The following SPG7 variants were observed in gnomAD, a reference collection of about 807,000 sequenced individuals.
SPG7 encodes SPG7 matrix AAA peptidase subunit, paraplegin.
SPG7 carries 103 observed loss-of-function variants against 81.9 expected under a neutral mutation model. The observed-to-expected ratio is 1.26, with a 90% CI of 1.07 to 1.48. SPG7 has a LOEUF of 1.48. SPG7 is among the 40% of genes most tolerant of loss of function. The probability of loss-of-function intolerance (pLI) is 0.00; values close to 1 mark genes in which losing one functional copy is unlikely to be tolerated. For synonymous variants in SPG7, 534 were observed against 444.2 expected, an observed-to-expected ratio of 1.20 and a Z score of -2.54; for missense variants, 1,241 against 1,087.3, an observed-to-expected ratio of 1.14 and a Z score of -1.99.
intron 3 of SPG7, 114 bp downstream of exon 3, chr16:89,513,151 AG>A: frequency 1.4e-6 from 2 of 1,454,244 alleles, no homozygotes; most frequent in Non-Finnish European, 9.3e-7. Flanking sequence ...GGCCGGGTGC[AG>A]TGGCTCACAC....
chr16:89,508,674 TCGGAGGCCGCCTGGCCCCTGCGGCGGGGG>T, intron 1 of SPG7, 74 bp downstream of exon 1: 1 of 1,361,334 alleles, frequency 7.3e-7, no homozygotes, highest in Non-Finnish European at 9.7e-7. Flanking sequence ...GCGGGGCGGG[TCGGAGGCCGCCTGGCCCCTGCGGCGGGGG>T]AGCCTGCGCC....
At chr16:89,550,194 A>T in intron 12 of SPG7, 1 of 371,248 alleles carries the variant, frequency 2.7e-6, no homozygotes, top group Non-Finnish European at 5.2e-6. Context: ...GTTTTTTGAG[A>T]CGGAGTCTTG....
chr16:89,517,434 G>A (rs1001622039), intron 3 of SPG7: 1 of 152,324 alleles, frequency 6.6e-6, no homozygotes, highest in Admixed American at 6.5e-5. Context: ...TATCACTCCT[G>A]GCATGTGGTA....
At position 89,552,934 on chromosome 16, in the gene SPG7, C is replaced by T. The variant is rs780952234; in HGVS notation, c.1780-45C>T. 70 of 1,605,734 alleles carry T rather than the reference C, an allele frequency of 4.4e-5. No individual in the cohort carries two copies. In the Admixed American group the frequency reaches 1.1e-3, roughly 26 times the overall value. ...GTCCCACACCTTCCTCCTCAAAGCC[C>T]ACGCATCCTGCCTACTGACCTGGGT... On this transcript the variant is annotated intron_variant, in intron 13 of 16. Coordinates refer to ENST00000645818, the MANE Select transcript of SPG7 (RefSeq NM_003119.4).
At chr16:89,517,702 C>G (rs1269571172) in intron 3 of SPG7, 1 of 146,638 alleles carries the variant, frequency 6.8e-6, no homozygotes, top group East Asian at 2.2e-4. Flanking sequence ...TCATTGCAAA[C>G]TCCACCTCGT....
intron 3 of SPG7, chr16:89,523,337 AG>A (rs1397768158): frequency 3.9e-6 from 1 of 256,312 alleles, no homozygotes; most frequent in African/African-American, 2.2e-5. Flanking sequence ...ATGAGTAAAA[AG>A]TTCAGAATGG....
chr16:89,524,765 C>T (rs1480979909), intron 4 of SPG7, among the ~76,000 whole-genome samples: 1 of 151,920 alleles, frequency 6.6e-6, no homozygotes, highest in Non-Finnish European at 1.5e-5. Context: ...ACTTTAGATT[C>T]CAAGAGTGCG....
At position 89,508,403 on chromosome 16, in the gene SPG7, G is replaced by T; in HGVS notation, c.-15G>T. On this transcript the variant is annotated 5_prime_UTR_variant, in exon 1 of 17. Transcript: ENST00000645818. ...AGCGCCCCGCGGATCACGCAGGCGC[G>T]GCTTTCAGGCCAACATGGCCGTGCT... 6.8e-7 allele frequency: 1 copy of T among 1,472,938 alleles called. No individual in the cohort carries two copies. Among genetic ancestry groups the T allele is most frequent in the South Asian group, 1.3e-5 (1 of 77,974 alleles). The allele number at this position is 1,472,938 out of a possible 1,614,324, so 91.2% of individuals were successfully genotyped here. A position where few individuals can be genotyped will look rare whatever the true frequency, so the allele number is the denominator to read the frequency against.
At chr16:89,510,014 G>A (rs1004300530) in intron 1 of SPG7, among the ~76,000 whole-genome samples, 1 of 151,466 alleles carries the variant, frequency 6.6e-6, no homozygotes, top group Non-Finnish European at 1.5e-5. Flanking sequence ...TCCCTTTGTT[G>A]CCCAGCCTGG....
At chr16:89,530,630 C>T in intron 6 of SPG7, 53 bp from the exon 7 acceptor site, 2 of 1,612,874 alleles carry the variant, frequency 1.2e-6, no homozygotes, top group South Asian at 1.1e-5. Flanking sequence ...TGGCATCGTG[C>T]TGCTGATTTC....
intron 16 of SPG7, chr16:89,555,698 GC>G: frequency 2.5e-6 from 1 of 396,832 alleles, no homozygotes; most frequent in Non-Finnish European, 4.4e-6. Flanking sequence ...TTCCTCAGTT[GC>G]GATTGTCTGA....
intron 13 of SPG7, chr16:89,551,850 C>T (rs2058636984): frequency 6.6e-6 from 1 of 151,982 alleles, no homozygotes; most frequent in Non-Finnish European, 1.5e-5. Context: ...AAGACTGTGC[C>T]ACTGTACTCC....
chr16:89,523,915 T>C, intron 3 of SPG7, 91 bp from the exon 4 acceptor site: 1 of 1,540,778 alleles, frequency 6.5e-7, no homozygotes, highest in Non-Finnish European at 8.8e-7. Context: ...CCCCTCCCCG[T>C]CCAGCTGAGC....
At chr16:89,545,732 A>G in intron 10 of SPG7, 1 of 289,844 alleles carries the variant, frequency 3.5e-6, no homozygotes, top group South Asian at 2.7e-5. Context: ...GAAACATTTT[A>G]CATCAGGATT....
In SPG7 at chr16:89,554,562, C is replaced by A. The variant is rs760043860; in HGVS notation, c.2180C>A (p.Ala727Glu). The change falls in exon 16 of 17, where the codon GCG becomes GAG. Residue 727 changes from alanine to glutamate, a missense_variant and splice_region_variant. Ala to Glu is a moderately radical substitution (Grantham distance 107). Coordinates refer to ENST00000645818, the MANE Select transcript of SPG7 (RefSeq NM_003119.4). ...CAGGACAACCTGGACAAGTTGCAGGCGGTGAGGCCCTGGCCAGGCGTGGGG... is the reference window on the plus strand; with the variant it reads ...CAGGACAACCTGGACAAGTTGCAGGAGGTGAGGCCCTGGCCAGGCGTGGGG... Reference protein sequence around the residue: ...VLQDNLDKLQALANALLEKEV... With the variant: ...VLQDNLDKLQELANALLEKEV... The A allele has an allele frequency of 1.4e-5, 22 of 1,606,564 alleles. No homozygotes were observed. Among genetic ancestry groups the A allele is most frequent in the Non-Finnish European group, 1.9e-5 (22 of 1,178,340 alleles).
chr16:89,516,489 T>G (rs1246956955), intron 3 of SPG7, among the ~76,000 whole-genome samples: 4 of 151,986 alleles, frequency 2.6e-5, no homozygotes, highest in Non-Finnish European at 5.9e-5. Flanking sequence ...AGGCAGAGGT[T>G]GCAGGGAGCT....
chr16:89,526,306 C>T lies in SPG7; in HGVS notation c.619-23C>T, dbSNP rs2058259132. On this transcript the variant is annotated intron_variant, in intron 4 of 16. Transcript: ENST00000645818. ...CGTCTGTCCCTGCGTTTCTCATGGT[C>T]CCCTCTCCTTTCTGCCCCCCAGCGG... The T allele has an allele frequency of 5.0e-6, 8 of 1,613,698 alleles. No individual in the cohort carries two copies. The African/African-American group carries it at 9.3e-5, about 19-fold the overall frequency.
At chr16:89,552,131 T>G (rs1284190126) in intron 13 of SPG7, 1 of 152,258 alleles carries the variant, frequency 6.6e-6, no homozygotes, top group African/African-American at 2.4e-5. Context: ...CGATCACAGC[T>G]CACTGCAGCC....
rs761725239 is a variant in SPG7, at chr16:89,530,648, C to T, written c.862-35C>T. 18 of 1,613,804 alleles carry T rather than the reference C, an allele frequency of 1.1e-5. No individual in the cohort carries two copies. The Middle Eastern group carries it at 8.3e-4, about 74-fold the overall frequency. On this transcript the variant is annotated intron_variant, in intron 6 of 16. Coordinates refer to ENST00000645818, the MANE Select transcript of SPG7 (RefSeq NM_003119.4). ...CATCGTGCTGCTGATTTCCTGACTT[C>T]GCCCAGCTCCTTGCACTTTGTTCTT...
Sources: gnomAD v4.1 joint callset for allele counts (sites outside exome capture counted in the v4.1 genomes callset) on GRCh38, gnomAD v4.1.1 for gene constraint, MANE v1.5 for transcripts, NCBI Gene and HGNC (gene_info 2026-07-23, HGNC 2026-07-21) for gene names.